The following CFAP20DC variants were observed in gnomAD, a reference collection of about 807,000 sequenced individuals.
CFAP20DC encodes the protein protein CFAP20DC.
A neutral mutation model predicts 101.7 loss-of-function variants in CFAP20DC; 84 were observed. That is an observed-to-expected ratio of 0.83 (90% CI 0.69 to 0.99). CFAP20DC has a LOEUF of 0.99. Among genes scored for constraint, CFAP20DC ranks in the 50% least tolerant of loss-of-function variants. The probability of loss-of-function intolerance (pLI) is 0.00; values close to 1 mark genes in which losing one functional copy is unlikely to be tolerated. For missense variants in CFAP20DC, 1,007 were observed against 970.3 expected (o/e 1.04, Z -0.50); for synonymous variants, 359 against 351.2 (o/e 1.02, Z -0.25).
At chr3:58,801,701 T>C (rs1211201462) in intron 15 of CFAP20DC, among the ~76,000 whole-genome samples, 1 of 152,052 alleles carries the variant, frequency 6.6e-6, no homozygotes, top group African/African-American at 2.4e-5. Context: ...CCAGATTGCC[T>C]TGGCCAGGCC....
At chr3:58,959,975 T>G (rs943169891) in intron 4 of CFAP20DC, among the ~76,000 whole-genome samples, 5 of 152,208 alleles carry the variant, frequency 3.3e-5, no homozygotes, top group South Asian at 2.1e-4. Flanking sequence ...AATTTTCTGG[T>G]TTTTTTTCTT....
intron 12 of CFAP20DC, among the ~76,000 whole-genome samples, chr3:58,850,626 A>C (rs2108318554): frequency 6.6e-6 from 1 of 151,876 alleles, no homozygotes; most frequent in South Asian, 2.1e-4. Flanking sequence ...AAAAAAAACC[A>C]ACCAACCAAC....
At chr3:58,745,004 C>A (rs1331700270) in intron 16 of CFAP20DC, among the ~76,000 whole-genome samples, 1 of 152,088 alleles carries the variant, frequency 6.6e-6, no homozygotes, top group African/African-American at 2.4e-5. Flanking sequence ...ACTTTGCTAA[C>A]AACCACATTA....
intron 3 of CFAP20DC, among the ~76,000 whole-genome samples, chr3:58,731,193 T>A (rs1258901192): frequency 6.6e-6 from 1 of 152,236 alleles, no homozygotes; most frequent in Non-Finnish European, 1.5e-5. Flanking sequence ...TCACTGTGTA[T>A]GCAGTAGGGG....
chr3:58,855,555 A>G (rs1230903889), intron 12 of CFAP20DC, among the ~76,000 whole-genome samples: 1 of 152,164 alleles, frequency 6.6e-6, no homozygotes, highest in African/African-American at 2.4e-5. Context: ...TTGCGGCATT[A>G]TTCACAATAG....
chr3:58,723,250 G>C (rs900796753), intron 3 of CFAP20DC, among the ~76,000 whole-genome samples: 5 of 152,214 alleles, frequency 3.3e-5, no homozygotes, highest in African/African-American at 1.2e-4. Context: ...TGTAGCAGCA[G>C]ATGGGCTAAT....
At chr3:58,824,555 AT>A (rs944529776) in intron 14 of CFAP20DC, 1 of 152,172 alleles carries the variant, frequency 6.6e-6, no homozygotes, top group Non-Finnish European at 1.5e-5. Context: ...CGGAGATAAG[AT>A]AATCCTGCCA....
chr3:58,888,920 C>G (rs1461020807), intron 6 of CFAP20DC, among the ~76,000 whole-genome samples: 2 of 151,982 alleles, frequency 1.3e-5, no homozygotes, highest in Non-Finnish European at 2.9e-5. Context: ...GAACTATGAA[C>G]TAATTTGCAC....
chr3:58,733,548 C>A (rs2067688980), intron 3 of CFAP20DC, among the ~76,000 whole-genome samples: 1 of 152,080 alleles, frequency 6.6e-6, no homozygotes, highest in Non-Finnish European at 1.5e-5. Context: ...CTGCTTGGCC[C>A]AGAACTGATC....
At chr3:58,974,842 C>T (rs1164260371) in intron 4 of CFAP20DC, among the ~76,000 whole-genome samples, 1 of 152,160 alleles carries the variant, frequency 6.6e-6, no homozygotes, top group Admixed American at 6.5e-5. Flanking sequence ...TGTTATCCAG[C>T]CCGCCACCAC....
At chr3:58,813,781 C>T (rs1376227203) in intron 14 of CFAP20DC, among the ~76,000 whole-genome samples, 3 of 151,950 alleles carry the variant, frequency 2.0e-5, no homozygotes, top group African/African-American at 7.3e-5. Context: ...TTTAAATGTA[C>T]TCAGATACTT....
rs1346355429 is a variant in CFAP20DC, at chr3:58,831,852, C to A, written c.2009G>T (p.Ser670Ile). 1 of 1,614,096 alleles carries A rather than the reference C, an allele frequency of 6.2e-7. No individual in the cohort carries two copies. The highest frequency in any genetic ancestry group is 2.2e-5 in the East Asian group (1 of 44,884). ...DWRNYQPSQM[S>I]ESELQMLASL... ...TGCTAGCATCTGTAACTCGGATTCA[C>A]TCATCTGGCTTGGCTGATAGTTTCG... Residue 670 changes from serine (S) to isoleucine (I), a missense_variant, in exon 14 of 17, where the codon AGT (serine) becomes ATT (isoleucine). Coordinates refer to ENST00000482387, the MANE Select transcript of CFAP20DC (RefSeq NM_001394063.1).
rs894993609 is a variant in CFAP20DC at position 59,002,004 on chromosome 3, C to T, written c.278+37553G>A. ...AGTAACTTTTGGCATTTTTTAATACCGGGTATATACTAAAATGCCGTGTGG... is the reference window on the plus strand; with the variant it reads ...AGTAACTTTTGGCATTTTTTAATACTGGGTATATACTAAAATGCCGTGTGG... On this transcript the variant is annotated intron_variant, in intron 4 of 16. Coordinates refer to ENST00000482387, the MANE Select transcript of CFAP20DC (RefSeq NM_001394063.1). This position sits in a 1 kb window ranked among gnomAD's most constrained non-coding sequence, Gnocchi z 4.5. Among the ~76,000 whole-genome samples the T allele has an allele frequency of 7.9e-5, 12 of 152,004 alleles. No homozygotes were observed. The highest frequency in any genetic ancestry group is 6.2e-4 in the South Asian group (3 of 4,808).
chr3:58,745,897 A>C (rs996931921), intron 16 of CFAP20DC, among the ~76,000 whole-genome samples: 2 of 152,178 alleles, frequency 1.3e-5, no homozygotes, highest in Non-Finnish European at 2.9e-5. Context: ...TCATATGTAA[A>C]GTACAGATAA....
intron 4 of CFAP20DC, among the ~76,000 whole-genome samples, chr3:58,969,001 G>T (rs2091775787): frequency 6.6e-6 from 1 of 151,998 alleles, no homozygotes; most frequent in Admixed American, 6.6e-5. Flanking sequence ...CAGCTTTGTT[G>T]AAGATCAGAT....
At chr3:59,032,096 C>T (rs538831232) in intron 4 of CFAP20DC, among the ~76,000 whole-genome samples, 18 of 152,248 alleles carry the variant, frequency 1.2e-4, no homozygotes, top group South Asian at 1.0e-3. Flanking sequence ...CACAAGGGTT[C>T]GGGGAACTCC....
chr3:59,048,478 C>G (rs1054226273), intron 1 of CFAP20DC, among the ~76,000 whole-genome samples: 1 of 152,110 alleles, frequency 6.6e-6, no homozygotes, highest in Non-Finnish European at 1.5e-5. Context: ...GACAAAAGCC[C>G]TCATACTCGG....
At chr3:58,804,457 G>A (rs556231167) in intron 15 of CFAP20DC, among the ~76,000 whole-genome samples, 1 of 151,742 alleles carries the variant, frequency 6.6e-6, no homozygotes, top group South Asian at 2.1e-4. Flanking sequence ...CTGCTTCCTG[G>A]GTTCAAGAGA....
chr3:58,736,411 G>A (rs1680731442), intron 3 of CFAP20DC, among the ~76,000 whole-genome samples: 1 of 152,018 alleles, frequency 6.6e-6, no homozygotes, highest in African/African-American at 2.4e-5. Context: ...AGCAAAACTG[G>A]GGATGATTCT....
Sources: allele counts gnomAD v4.1 joint callset (sites outside exome capture counted in the v4.1 genomes callset), GRCh38; gene constraint gnomAD v4.1.1; non-coding constraint Gnocchi (gnomAD v3.1); transcripts MANE v1.5; gene names NCBI Gene and HGNC (gene_info 2026-07-23, HGNC 2026-07-21).